Variants in MAP3K7CL observed in about 807,000 individuals in gnomAD.
MAP3K7CL encodes the protein MAP3K7 C-terminal like, also known as MAP3K7 C-terminal-like protein.
MAP3K7CL carries 16 observed loss-of-function variants against 18.6 expected under a neutral mutation model. The ratio of observed to expected loss-of-function variants is 0.86; its 90% CI spans 0.58 to 1.31. The LOEUF is 1.31. Among genes scored for constraint, MAP3K7CL ranks in the 50% most tolerant of loss-of-function variants. MAP3K7CL has a pLI of 0.00. For missense variants in MAP3K7CL, 163 were observed against 174.4 expected, an observed-to-expected ratio of 0.93 and a Z score of 0.37; for synonymous variants, 65 against 66.8, an observed-to-expected ratio of 0.97 and a Z score of 0.13.
chr21:29,131,008 G>A (rs1241418840), intron 1 of MAP3K7CL, 85 bp downstream of exon 1: 2 of 849,324 alleles, frequency 2.4e-6, no homozygotes, highest in South Asian at 1.1e-4. Context: ...GTAGCCAAGA[G>A]AAGGAACCTG....
At chr21:29,137,018 G>T (rs1207632657) in intron 2 of MAP3K7CL, among the ~76,000 whole-genome samples, 1 of 152,170 alleles carries the variant, frequency 6.6e-6, no homozygotes, top group Non-Finnish European at 1.5e-5. Flanking sequence ...TGTAAGATGC[G>T]TATAGTAGTA....
At chr21:29,101,762 A>T (rs1418878920) in intron 4 of MAP3K7CL, among the ~76,000 whole-genome samples, 1 of 152,058 alleles carries the variant, frequency 6.6e-6, no homozygotes, top group Non-Finnish European at 1.5e-5. Flanking sequence ...ATAGTATCTA[A>T]TTTTTCTTGA....
intron 4 of MAP3K7CL, among the ~76,000 whole-genome samples, chr21:29,096,608 G>A (rs1489887553): frequency 6.6e-6 from 1 of 152,214 alleles, no homozygotes; most frequent in Non-Finnish European, 1.5e-5. Flanking sequence ...GTATGGTTGA[G>A]CACAGAGAGT....
chr21:29,139,179 C>G (rs1305546378), intron 2 of MAP3K7CL: 1 of 152,170 alleles, frequency 6.6e-6, no homozygotes, highest in Non-Finnish European at 1.5e-5. Flanking sequence ...GAATCCAATG[C>G]AACAAGTTGG....
At chr21:29,172,936 T>C (rs1203352418) in intron 4 of MAP3K7CL, among the ~76,000 whole-genome samples, 1 of 151,712 alleles carries the variant, frequency 6.6e-6, no homozygotes, top group Non-Finnish European at 1.5e-5. Flanking sequence ...TTTCCTTTCT[T>C]CTTTTCATAT....
At chr21:29,126,879 G>A (rs905029771), upstream of MAP3K7CL, among the ~76,000 whole-genome samples, 28 of 152,188 alleles carry the variant, frequency 1.8e-4, no homozygotes, top group Non-Finnish European at 8.8e-5. Context: ...ACTACCGGCC[G>A]TATATGTCAC....
chr21:29,122,834 C>A (rs2086618321), intron 4 of MAP3K7CL, among the ~76,000 whole-genome samples: 1 of 152,128 alleles, frequency 6.6e-6, no homozygotes, highest in Non-Finnish European at 1.5e-5. Context: ...GGGGTCCTCA[C>A]TGGGGACTGC....
At chr21:29,115,103 C>A (rs1033452806) in intron 4 of MAP3K7CL, among the ~76,000 whole-genome samples, 2 of 152,120 alleles carry the variant, frequency 1.3e-5, no homozygotes, top group African/African-American at 4.8e-5. Flanking sequence ...CAGAGTGCTT[C>A]CTTTGATGTG....
intron 1 of MAP3K7CL, among the ~76,000 whole-genome samples, chr21:29,086,703 T>C (rs926597579): frequency 3.3e-5 from 5 of 152,236 alleles, no homozygotes; most frequent in African/African-American, 1.2e-4. Context: ...CAGGTGGTGA[T>C]TGGCAATAGA....
At chr21:29,126,966 T>C (rs893938418), upstream of MAP3K7CL, among the ~76,000 whole-genome samples, 14 of 152,216 alleles carry the variant, frequency 9.2e-5, no homozygotes, top group African/African-American at 3.4e-4. Context: ...TGAATAGCCA[T>C]TAAAATTTCT....
At chr21:29,113,902 C>A (rs930985009) in intron 4 of MAP3K7CL, among the ~76,000 whole-genome samples, 1 of 151,972 alleles carries the variant, frequency 6.6e-6, no homozygotes, top group Non-Finnish European at 1.5e-5. Context: ...CTGCACTGGG[C>A]GAGGGCATTT....
At chr21:29,154,851 A>G (rs1228338011) in intron 3 of MAP3K7CL, among the ~76,000 whole-genome samples, 3 of 152,234 alleles carry the variant, frequency 2.0e-5, no homozygotes, top group Non-Finnish European at 4.4e-5. Flanking sequence ...GAAAACATAT[A>G]TAGATACTTT....
chr21:29,172,241 C>CTTTTTTTTTTT (rs35612617), intron 4 of MAP3K7CL, among the ~76,000 whole-genome samples: 1 of 126,250 alleles, frequency 7.9e-6, no homozygotes, highest in Non-Finnish European at 1.6e-5. Flanking sequence ...TTGTCATTTT[C>CTTTTTTTTTTT]TTTTTTTTTT....
In MAP3K7CL at chr21:29,108,957, C is replaced by G. The variant is rs79852616; in HGVS notation, c.370+16376C>G. 246 of 1,237,990 alleles carry G rather than the reference C, an allele frequency of 2.0e-4. No homozygotes were observed. The African/African-American group carries it at 3.4e-3, about 17-fold the overall frequency. The allele number at this position is 1,237,990 out of a possible 1,614,324, so 76.7% of individuals were successfully genotyped here. Reference sequence around the variant, plus strand: ...AATGCATGAATGCTTTGGTTACAGTCTTGAAGGTCAACTTGAATCTGAATT... The same window carrying G: ...AATGCATGAATGCTTTGGTTACAGTGTTGAAGGTCAACTTGAATCTGAATT... On this transcript the variant is annotated intron_variant, in intron 4 of 6. Coordinates refer to the MAP3K7CL transcript ENST00000286791.
At chr21:29,155,931 C>G (rs1206912177) in intron 3 of MAP3K7CL, among the ~76,000 whole-genome samples, 1 of 152,198 alleles carries the variant, frequency 6.6e-6, no homozygotes, top group Non-Finnish European at 1.5e-5. Context: ...AAACCAGATA[C>G]GATGGCAGGG....
At chr21:29,139,925 T>C (rs1184212530) in intron 2 of MAP3K7CL, among the ~76,000 whole-genome samples, 1 of 132,482 alleles carries the variant, frequency 7.5e-6, no homozygotes, top group Non-Finnish European at 1.6e-5. Flanking sequence ...TTTTTTGGCA[T>C]ATTCACAGGG....
chr21:29,100,323 G>A (rs549101861), intron 4 of MAP3K7CL, among the ~76,000 whole-genome samples: 1 of 152,264 alleles, frequency 6.6e-6, no homozygotes, highest in South Asian at 2.1e-4. Flanking sequence ...CTTGGGCTAC[G>A]GATAAAGCAG....
chr21:29,167,693 A>ATTTTT (rs35549023), intron 4 of MAP3K7CL, among the ~76,000 whole-genome samples: 2 of 107,522 alleles, frequency 1.9e-5, no homozygotes, highest in Admixed American at 1.0e-4. Context: ...AGAAGGACCA[A>ATTTTT]TTTTTTTTTT....
chr21:29,128,728 G>C (rs140359146), upstream of MAP3K7CL, among the ~76,000 whole-genome samples: 6 of 152,276 alleles, frequency 3.9e-5, no homozygotes, highest in East Asian at 1.2e-3. Flanking sequence ...CCTGTTATTT[G>C]AATTGTCTGC....
Sources: gnomAD v4.1 joint callset for allele counts (sites outside exome capture counted in the v4.1 genomes callset) on GRCh38, gnomAD v4.1.1 for gene constraint, MANE v1.5 for transcripts, NCBI Gene and HGNC (gene_info 2026-07-23, HGNC 2026-07-21) for gene names.